Variants in PRR16 observed in about 807,000 individuals in gnomAD.
PRR16 encodes the protein proline rich 16, also known as protein Largen.
Under a neutral mutation model 18.2 loss-of-function variants are expected in PRR16, and 6 were observed. The observed-to-expected ratio is 0.33, with a 90% CI of 0.18 to 0.65. The LOEUF is 0.65. Ranked by LOEUF, PRR16 falls within the 30% of genes least tolerant of loss-of-function variation. The pLI is 0.74. For synonymous variants in PRR16, 151 were observed against 147.8 expected (o/e 1.02, Z -0.16); for missense variants, 412 against 376.6 (o/e 1.09, Z -0.78).
At chr5:120,669,934 C>T (rs900788966) in intron 1 of PRR16, among the ~76,000 whole-genome samples, 5 of 151,812 alleles carry the variant, frequency 3.3e-5, no homozygotes, top group South Asian at 2.1e-4. Context: ...TAAACAACGG[C>T]GTTTATATGA....
intron 1 of PRR16, among the ~76,000 whole-genome samples, chr5:120,557,031 T>TATG (rs1434949541): frequency 1.3e-5 from 2 of 152,046 alleles, no homozygotes; most frequent in East Asian, 3.9e-4. Context: ...GAATAGCCTT[T>TATG]ATAGACCCAG....
In PRR16 at chr5:120,494,962, C is replaced by T. The variant is rs1750194782; in HGVS notation, c.159+30317C>T. Reference sequence around the variant, plus strand: ...ATTGTTCTGTGTGTCTGTCCTTCTGCTGTTACCACATAGTGTTGATTACTG... The same window carrying T: ...ATTGTTCTGTGTGTCTGTCCTTCTGTTGTTACCACATAGTGTTGATTACTG... On this transcript the variant is annotated intron_variant, in intron 1 of 1. Coordinates refer to ENST00000407149, the MANE Select transcript of PRR16 (RefSeq NM_001300783.2). Among the ~76,000 whole-genome samples the T allele has an allele frequency of 2.0e-5, 3 of 152,074 alleles. No homozygotes were observed. In the South Asian group the frequency reaches 6.2e-4, roughly 31 times the overall value.
chr5:120,483,280 C>A (rs1580626327), intron 1 of PRR16, among the ~76,000 whole-genome samples: 1 of 152,088 alleles, frequency 6.6e-6, no homozygotes, highest in African/African-American at 2.4e-5. Flanking sequence ...GAACTGTATC[C>A]CCAAGTGAAA....
intron 1 of PRR16, among the ~76,000 whole-genome samples, chr5:120,631,849 A>G (rs898484617): frequency 6.6e-6 from 1 of 152,106 alleles, no homozygotes; most frequent in African/African-American, 2.4e-5. Context: ...AGTTGTCCCT[A>G]GGGCAAGTTT....
the PRR16 span, among the ~76,000 whole-genome samples, chr5:120,731,791 A>G: frequency 6.6e-6 from 1 of 152,214 alleles, no homozygotes; most frequent in Non-Finnish European, 1.5e-5. Flanking sequence ...TTCTGTTTGA[A>G]TGCTCACTCA....
At chr5:120,625,571 C>G (rs1242248862) in intron 1 of PRR16, among the ~76,000 whole-genome samples, 17 of 152,122 alleles carry the variant, frequency 1.1e-4, no homozygotes, top group Admixed American at 1.1e-3. Flanking sequence ...CTCCTGGACT[C>G]AAGCTATCCT....
rs113674451 is a variant in PRR16, at chr5:120,654,330, T to A, written c.160-31624T>A. On this transcript the variant is annotated intron_variant, in intron 1 of 1. Coordinates refer to ENST00000407149, the MANE Select transcript of PRR16 (RefSeq NM_001300783.2). The stretch of plus-strand genomic sequence containing the variant: ...TTTGAGTATTGAATCTAATCCTAAT[T>A]TTTTTGTTTCTACCCCCATGTAACC... 5.6e-3 allele frequency among the ~76,000 whole-genome samples: 855 copies of A among 152,080 alleles called. 15 individuals are homozygous for A. Among genetic ancestry groups the A allele is most frequent in the African/African-American group, 0.019 (796 of 41,518 alleles).
rs186217333 is a variant in PRR16 at position 120,685,851 on chromosome 5, G to C, written c.160-103G>C. On this transcript the variant is annotated intron_variant, in intron 1 of 1. Coordinates refer to ENST00000407149, the MANE Select transcript of PRR16 (RefSeq NM_001300783.2). Reference sequence around the variant, plus strand: ...CAATGGAATGTTCAGTTCAATATCAGTTAAGGCTTCCATAGCAGATTTCCC... The same window carrying C: ...CAATGGAATGTTCAGTTCAATATCACTTAAGGCTTCCATAGCAGATTTCCC... The C allele has an allele frequency of 7.6e-5, 92 of 1,206,342 alleles. No individual in the cohort carries two copies. The African/African-American group carries it at 1.2e-3, about 16-fold the overall frequency. The allele number at this position is 1,206,342 out of a possible 1,614,324, so 74.7% of individuals were successfully genotyped here.
chr5:120,778,306 G>A, the PRR16 span, among the ~76,000 whole-genome samples: 2 of 152,070 alleles, frequency 1.3e-5, 1 homozygote, highest in Non-Finnish European at 2.9e-5. Flanking sequence ...ACCATTTTAA[G>A]AGATTTTATT....
chr5:120,499,161 G>GT (rs1262145578), intron 1 of PRR16, among the ~76,000 whole-genome samples: 1 of 150,850 alleles, frequency 6.6e-6, no homozygotes, highest in Non-Finnish European at 1.5e-5. Flanking sequence ...CCAGGCTGGA[G>GT]TGCAATGGCG....
the PRR16 span, chr5:120,790,361 A>G: frequency 6.6e-6 from 1 of 152,218 alleles, no homozygotes; most frequent in South Asian, 2.1e-4. Flanking sequence ...AAGCAATTAA[A>G]CCAGTAAATT....
chr5:120,643,349 T>C (rs1276047729), intron 1 of PRR16, among the ~76,000 whole-genome samples: 3 of 152,134 alleles, frequency 2.0e-5, no homozygotes, highest in Admixed American at 1.3e-4. Context: ...TTCTCATCTC[T>C]ACATTGTTGT....
At chr5:120,580,503 G>A (rs974557951) in intron 1 of PRR16, among the ~76,000 whole-genome samples, 13 of 147,374 alleles carry the variant, frequency 8.8e-5, no homozygotes, top group African/African-American at 3.3e-4. Context: ...CGCCCAGGCT[G>A]GAGTGCAGTG....
At chr5:120,607,020 T>G (rs551657789) in intron 1 of PRR16, among the ~76,000 whole-genome samples, 2 of 152,322 alleles carry the variant, frequency 1.3e-5, no homozygotes, top group South Asian at 4.1e-4. Context: ...GGGCAGTGCT[T>G]TTTGGATCCA....
chr5:120,724,316 C>T, the PRR16 span, among the ~76,000 whole-genome samples: 8 of 152,070 alleles, frequency 5.3e-5, no homozygotes, highest in African/African-American at 1.7e-4. Context: ...ACCAAGCGTT[C>T]AAATTCTAAC....
At chr5:120,469,011 T>A (rs1749187510) in intron 1 of PRR16, among the ~76,000 whole-genome samples, 1 of 152,232 alleles carries the variant, frequency 6.6e-6, no homozygotes, top group Non-Finnish European at 1.5e-5. Flanking sequence ...TGGTGAGAAG[T>A]ATGTCAGCAT....
chr5:120,591,721 A>G (rs552633422), intron 1 of PRR16, among the ~76,000 whole-genome samples: 2 of 152,232 alleles, frequency 1.3e-5, no homozygotes, highest in East Asian at 3.9e-4. Context: ...TGTTGGACAT[A>G]TAAGTAGCCT....
intron 1 of PRR16, among the ~76,000 whole-genome samples, chr5:120,557,263 G>A (rs941105667): frequency 1.3e-5 from 2 of 151,840 alleles, no homozygotes; most frequent in African/African-American, 4.8e-5. Context: ...GTAGTAAGTA[G>A]GAAGTAATTG....
At chr5:120,749,442 A>G in the PRR16 span, among the ~76,000 whole-genome samples, 2 of 152,140 alleles carry the variant, frequency 1.3e-5, no homozygotes, top group Admixed American at 6.5e-5. Context: ...TGTTTATAGA[A>G]TAGTTATAAA....
Sources: gnomAD v4.1 joint callset for allele counts (sites outside exome capture counted in the v4.1 genomes callset) on GRCh38, gnomAD v4.1.1 for gene constraint, MANE v1.5 for transcripts, NCBI Gene and HGNC (gene_info 2026-07-23, HGNC 2026-07-21) for gene names.